MACF1: variants seen among roughly 807,000 people sequenced by gnomAD.
MACF1 encodes the protein microtubule actin crosslinking factor 1.
In MACF1, 193 loss-of-function variants were observed where a neutral mutation model predicts 854.8. The observed-to-expected ratio is 0.23, with a 90% CI of 0.20 to 0.25. The LOEUF (loss-of-function observed/expected upper bound fraction) is 0.25. MACF1 is among the 10% of genes least tolerant of loss of function. The pLI is 1.00. For synonymous variants in MACF1, 3,185 were observed against 3,226.7 expected, an observed-to-expected ratio of 0.99 and a Z score of 0.44; for missense variants, 7,722 against 8,929.1, an observed-to-expected ratio of 0.86 and a Z score of 5.45.
Position 39,293,569 on chromosome 1 carries a change from G to C in MACF1, c.2104G>C (p.Asp702His). 1 of 1,613,928 alleles carries C rather than the reference G, an allele frequency of 6.2e-7. No homozygotes were observed. Among genetic ancestry groups the C allele is most frequent in the Non-Finnish European group, 8.5e-7 (1 of 1,179,880 alleles). The change falls in exon 18 of 101, where the codon GAC (aspartate) becomes CAC (histidine). Residue 702 changes from aspartate to histidine, a missense_variant. By Grantham distance (81) the Asp-to-His change is moderately conservative. Coordinates refer to ENST00000564288, the MANE Select transcript of MACF1 (RefSeq NM_001394062.1). ...GAAGGAGGAGGAGGAACTAGCATAT[G>C]ACTGGAGTGACAACAATTCCAATAT... ...NEKEEEELAY[D>H]WSDNNSNISA...
At chr1:39,242,291 A>G (rs1290399887) in intron 2 of MACF1, among the ~76,000 whole-genome samples, 1 of 151,944 alleles carries the variant, frequency 6.6e-6, no homozygotes, top group African/African-American at 2.4e-5. Context: ...CGGATACTGT[A>G]ATGAGCCGAG....
chr1:39,180,584 C>T (rs577095911), intron 2 of MACF1, among the ~76,000 whole-genome samples: 2 of 152,300 alleles, frequency 1.3e-5, no homozygotes, highest in Non-Finnish European at 2.9e-5. Flanking sequence ...CCACTAGACT[C>T]CAGCCTGGGC....
In MACF1 at chr1:39,460,318, G is replaced by A. The variant is rs1182506844; in HGVS notation, c.21361-314G>A. 1.3e-5 allele frequency among the ~76,000 whole-genome samples: 2 copies of A among 152,206 alleles called. No homozygotes were observed. Among genetic ancestry groups the A allele is most frequent in the Non-Finnish European group, 2.9e-5 (2 of 68,032 alleles). ...AATCCATTTCCTTGCATCTAAGAGA[G>A]TGATCCTTTGAAAAGCCCAAAGGGA... is the stretch of plus-strand genomic sequence containing the variant. On this transcript the variant is annotated intron_variant, in intron 91 of 100. Transcript: ENST00000564288. The surrounding 1 kb of genome is among the most constrained non-coding windows in gnomAD (Gnocchi z 4.1).
intron 2 of MACF1, among the ~76,000 whole-genome samples, chr1:39,245,825 A>T (rs983235007): frequency 6.6e-6 from 1 of 152,164 alleles, no homozygotes; most frequent in Non-Finnish European, 1.5e-5. Context: ...ATCAAAAATA[A>T]ATCCCTCATT....
chr1:39,154,750 C>T (rs1259813437), intron 2 of MACF1, among the ~76,000 whole-genome samples: 1 of 151,870 alleles, frequency 6.6e-6, no homozygotes, highest in East Asian at 1.9e-4. Flanking sequence ...CATCCTGTCA[C>T]TGTAGATTCA....
intron 1 of MACF1, among the ~76,000 whole-genome samples, chr1:39,210,747 A>C (rs1230049024): frequency 6.6e-6 from 1 of 152,054 alleles, no homozygotes; most frequent in Non-Finnish European, 1.5e-5. Context: ...AGTCATATGG[A>C]ATTGTGGTTG....
rs1360457436 is a variant in MACF1 at position 39,334,136 on chromosome 1, T to G, written c.7548T>G (p.Leu2516=). 1 of 1,614,138 alleles carries G rather than the reference T, an allele frequency of 6.2e-7. No individual in the cohort carries two copies. The highest frequency in any genetic ancestry group is 8.5e-7 in the Non-Finnish European group (1 of 1,180,016). The change falls in exon 37 of 101, where the codon CTT becomes CTG. Residue 2516 remains leucine, a synonymous_variant. Transcript: ENST00000564288. The part of the protein sequence containing the change: ...GIIHHISGMR[L]SVDNAFRHGL... ...TTCACCATATATCTGGGATGAGACTTTCTGTTGATAATGCCTTCAGACATG... is the reference window on the plus strand; with the variant it reads ...TTCACCATATATCTGGGATGAGACTGTCTGTTGATAATGCCTTCAGACATG...
At chr1:39,186,214 C>CTGTG (rs200739487) in intron 2 of MACF1, among the ~76,000 whole-genome samples, 8 of 57,952 alleles carry the variant, frequency 1.4e-4, no homozygotes, top group African/African-American at 2.4e-4. Context: ...CTCTCTCTCT[C>CTGTG]TGTGTGTGTG....
At position 39,317,420 on chromosome 1, in the gene MACF1, C is replaced by T. The variant is rs777946581; in HGVS notation, c.3782+13C>T. The stretch of plus-strand genomic sequence containing the variant: ...AGCTCGAGATTCGGTGAGTGGTGGC[C>T]CCACCTTTTTCTCCTATTAGAGTTC... On this transcript the variant is annotated intron_variant, in intron 29 of 100. Transcript: ENST00000564288. The T allele has an allele frequency of 3.1e-6, 5 of 1,609,780 alleles. No homozygotes were observed. The African/African-American group carries it at 5.4e-5, about 17-fold the overall frequency.
chr1:39,424,333 T>C, intron 61 of MACF1, 139 bp downstream of exon 61: 1 of 626,590 alleles, frequency 1.6e-6, no homozygotes, highest in East Asian at 3.0e-5. Flanking sequence ...TGGGATAAGA[T>C]TTTAGAGATG....
At position 39,432,144 on chromosome 1, in the gene MACF1, C is replaced by T. The variant is rs151012065; in HGVS notation, c.17338-391C>T. Among the ~76,000 whole-genome samples the T allele has an allele frequency of 1.2e-3, 182 of 152,286 alleles. 1 individual carries two copies. Among genetic ancestry groups the T allele is most frequent in the African/African-American group, 4.3e-3 (178 of 41,562 alleles). On this transcript the variant is annotated intron_variant, in intron 66 of 100. Coordinates refer to ENST00000564288, the MANE Select transcript of MACF1 (RefSeq NM_001394062.1). Reference sequence around the variant, plus strand: ...CACTTCCGAGTTAACTTGACTCATCCGTCTACTGCCATATTAGGTTTATAT... The same window carrying T: ...CACTTCCGAGTTAACTTGACTCATCTGTCTACTGCCATATTAGGTTTATAT...
Position 39,332,176 on chromosome 1 carries a change from C to G in MACF1, c.5588C>G (p.Thr1863Arg). The G allele has an allele frequency of 6.2e-7, 1 of 1,614,058 alleles. No individual in the cohort carries two copies. Among genetic ancestry groups the G allele is most frequent in the Non-Finnish European group, 8.5e-7 (1 of 1,180,030 alleles). ...GAATCTGGAGAGATCCTCCCAATTA[C>G]AGATGCCCTAGAACAAGGTATTGTG... is the stretch of plus-strand genomic sequence containing the variant. ...WPESGEILPI[T>R]DALEQGIVST... The change falls in exon 37 of 101, where the codon ACA becomes AGA. Residue 1863 changes from threonine to arginine, a missense_variant. By Grantham distance (71) the Thr-to-Arg change is moderately conservative. This residue lies in a region of MACF1 where 1,531 missense variants were observed against 1,601.6 expected (regional missense o/e 0.96). Transcript: ENST00000564288.
intron 56 of MACF1, among the ~76,000 whole-genome samples, chr1:39,382,664 A>C (rs113346515): frequency 6.6e-6 from 1 of 151,126 alleles, no homozygotes; most frequent in Admixed American, 6.6e-5. Context: ...TCCGGACAGT[A>C]GAGCGTGACT....
intron 58 of MACF1, among the ~76,000 whole-genome samples, chr1:39,406,758 A>AAAAAAAAAAAAAAAAAT (rs1642728443): frequency 6.7e-6 from 1 of 149,218 alleles, no homozygotes; most frequent in African/African-American, 2.5e-5. Flanking sequence ...AAAAAAAAAA[A>AAAAAAAAAAAAAAAAAT]CATTCTTTAT....
chr1:39,481,095 A>G (rs535746275), intron 99 of MACF1, 65 bp downstream of exon 99: 2 of 965,650 alleles, frequency 2.1e-6, no homozygotes, highest in East Asian at 5.3e-5. Flanking sequence ...GGACTTGACC[A>G]GCTCTTCTTC....
rs77885848 is a variant in MACF1 at position 39,410,749 on chromosome 1, A to T, written c.15817-11625A>T. The T allele has an allele frequency of 2.0e-3, 3,214 of 1,613,974 alleles. 60 individuals carry two copies. The African/African-American group carries it at 0.038, about 19-fold the overall frequency. On this transcript the variant is annotated intron_variant, in intron 58 of 100. Coordinates refer to ENST00000564288, the MANE Select transcript of MACF1 (RefSeq NM_001394062.1). ...TGAGGTTTCAGAAGCTGGTGCTTCA[A>T]ATCCTTCCTTGCAAGAGAAGAAGGA...
At chr1:39,413,995 CCAG>C (rs755032342) in intron 58 of MACF1, 1 of 1,608,070 alleles carries the variant, frequency 6.2e-7, no homozygotes, top group Admixed American at 1.7e-5. Flanking sequence ...GCCCACCTCC[CCAG>C]CAGCAGCAGT....
In MACF1 at chr1:39,387,587, T is replaced by C. The variant is rs1172597257; in HGVS notation, c.14745T>C (p.Leu4915=). ...AQKYQWHVED[L]VPWIEDCKAK... Reference sequence around the variant, plus strand: ...AATATCAGTGGCATGTGGAAGACCTTGTGCCATGGATAGAAGATTGTAAAG... The same window carrying C: ...AATATCAGTGGCATGTGGAAGACCTCGTGCCATGGATAGAAGATTGTAAAG... Residue 4915 remains leucine, a synonymous_variant, in exon 58 of 101, where the codon CTT becomes CTC. Transcript: ENST00000564288. The C allele has an allele frequency of 1.9e-6, 3 of 1,614,146 alleles. No homozygotes were observed. Among genetic ancestry groups the C allele is most frequent in the African/African-American group, 2.7e-5 (2 of 75,052 alleles).
At chr1:39,323,258 C>G (rs1300559209) in intron 33 of MACF1, among the ~76,000 whole-genome samples, 1 of 152,102 alleles carries the variant, frequency 6.6e-6, no homozygotes, top group East Asian at 1.9e-4. Flanking sequence ...GGAAGGATCA[C>G]TTGGGCCTGG....
Sources: gnomAD v4.1 joint callset for allele counts (sites outside exome capture counted in the v4.1 genomes callset) on GRCh38, gnomAD v4.1.1 for gene constraint, gnomAD v4.1.1 regional missense constraint, Gnocchi (gnomAD v3.1) non-coding constraint, MANE v1.5 for transcripts, NCBI Gene and HGNC (gene_info 2026-07-23, HGNC 2026-07-21) for gene names.